Variants in RBMS3 observed in about 807,000 individuals in gnomAD.
The protein encoded by RBMS3 is RNA binding motif single stranded interacting protein 3.
RBMS3 carries 27 observed loss-of-function variants against 66.8 expected under a neutral mutation model. The ratio of observed to expected loss-of-function variants is 0.40; its 90% CI spans 0.30 to 0.56. The LOEUF is 0.56. Ranked by LOEUF, RBMS3 falls within the 20% of genes least tolerant of loss-of-function variation. The pLI, the probability that RBMS3 is intolerant of heterozygous loss-of-function variation, is 0.40. For missense variants in RBMS3, 513 were observed against 549.5 expected (o/e 0.93, Z 0.66); for synonymous variants, 188 against 183.0 (o/e 1.03, Z -0.22).
chr3:29,747,319 G>A (rs984267110), intron 5 of RBMS3, among the ~76,000 whole-genome samples: 1 of 151,972 alleles, frequency 6.6e-6, no homozygotes, highest in African/African-American at 2.4e-5. Context: ...TCTTGGGGCA[G>A]TTATATAAAC....
chr3:29,284,755 G>A (rs2032133022), intron 1 of RBMS3, among the ~76,000 whole-genome samples: 1 of 151,520 alleles, frequency 6.6e-6, no homozygotes, highest in South Asian at 2.1e-4. Context: ...CCCAGTGGCT[G>A]ACTCATATCT....
At chr3:29,921,212 G>A (rs1049124243) in intron 10 of RBMS3, among the ~76,000 whole-genome samples, 23 of 151,590 alleles carry the variant, frequency 1.5e-4, no homozygotes, top group Admixed American at 3.9e-4. Context: ...ACAGGCGCCC[G>A]CCACCACGCC....
intron 1 of RBMS3, among the ~76,000 whole-genome samples, chr3:29,328,548 A>G (rs2035472667): frequency 6.6e-6 from 1 of 152,134 alleles, no homozygotes; most frequent in African/African-American, 2.4e-5. Flanking sequence ...ACTTTGGAAT[A>G]TGTCCTCTTT....
intron 1 of RBMS3, among the ~76,000 whole-genome samples, chr3:29,354,569 G>A (rs968145820): frequency 6.6e-6 from 1 of 151,072 alleles, no homozygotes; most frequent in Admixed American, 6.6e-5. Context: ...ACGTGTGCAC[G>A]TGCGCACACA....
chr3:29,978,446 C>CA (rs879413491), intron 12 of RBMS3, among the ~76,000 whole-genome samples: 84 of 148,758 alleles, frequency 5.6e-4, no homozygotes, highest in African/African-American at 2.0e-3. Flanking sequence ...TTTTCTGTGA[C>CA]AAAAAAAAAG....
At chr3:29,428,292 A>T (rs1193200229) in intron 1 of RBMS3, among the ~76,000 whole-genome samples, 2 of 152,058 alleles carry the variant, frequency 1.3e-5, no homozygotes, top group Middle Eastern at 3.2e-3. Flanking sequence ...GGGCAGTGCA[A>T]CTAGCATCTA....
chr3:29,649,460 C>T (rs1449813759), intron 4 of RBMS3, among the ~76,000 whole-genome samples: 2 of 152,096 alleles, frequency 1.3e-5, no homozygotes, highest in African/African-American at 4.8e-5. Context: ...ACTAACAAGG[C>T]AAGCTAACTA....
At chr3:29,353,668 G>T (rs568160240) in intron 1 of RBMS3, among the ~76,000 whole-genome samples, 1 of 151,978 alleles carries the variant, frequency 6.6e-6, no homozygotes, top group South Asian at 2.1e-4. Context: ...TTGCTAATGT[G>T]GTTCTAATAC....
At chr3:29,575,286 T>G (rs367970916) in intron 3 of RBMS3, among the ~76,000 whole-genome samples, 1 of 152,152 alleles carries the variant, frequency 6.6e-6, no homozygotes, top group African/African-American at 2.4e-5. Flanking sequence ...GGTAAAAGTT[T>G]TTTTTTTTTT....
chr3:29,365,728 C>T (rs562376013), intron 1 of RBMS3, among the ~76,000 whole-genome samples: 52 of 152,226 alleles, frequency 3.4e-4, no homozygotes, highest in African/African-American at 1.2e-3. Context: ...TCACTTCTGC[C>T]GTTAGGTACA....
At chr3:29,901,232 A>T (rs2149610306) in intron 10 of RBMS3, among the ~76,000 whole-genome samples, 1 of 151,934 alleles carries the variant, frequency 6.6e-6, no homozygotes, top group African/African-American at 2.4e-5. Flanking sequence ...CCAAAGCAAT[A>T]CATAGCATAG....
At chr3:29,765,050 A>G (rs894069021) in intron 6 of RBMS3, among the ~76,000 whole-genome samples, 4 of 152,054 alleles carry the variant, frequency 2.6e-5, no homozygotes, top group African/African-American at 9.7e-5. Flanking sequence ...TTATTTATAA[A>G]TTACTTTGAA....
At chr3:29,435,379 T>A (rs1486555214) in intron 2 of RBMS3, among the ~76,000 whole-genome samples, 1 of 152,192 alleles carries the variant, frequency 6.6e-6, no homozygotes, top group Non-Finnish European at 1.5e-5. Context: ...CAGGACCATG[T>A]ATTTGGAGAA....
chr3:29,583,870 G>C (rs1208840379), intron 3 of RBMS3, among the ~76,000 whole-genome samples: 1 of 151,844 alleles, frequency 6.6e-6, no homozygotes, highest in African/African-American at 2.4e-5. Flanking sequence ...TCCTACCCTA[G>C]CTTCACACTG....
chr3:29,905,294 T>C (rs1394558418), intron 10 of RBMS3, among the ~76,000 whole-genome samples: 2 of 152,094 alleles, frequency 1.3e-5, no homozygotes, highest in African/African-American at 4.8e-5. Flanking sequence ...CTGTATTCCA[T>C]GCAAAATACC....
At chr3:29,554,686 C>A (rs184119715) in intron 3 of RBMS3, among the ~76,000 whole-genome samples, 2 of 152,012 alleles carry the variant, frequency 1.3e-5, no homozygotes, top group Admixed American at 6.5e-5. Flanking sequence ...ATGATCAGGG[C>A]ATTTTGAGCT....
chr3:29,897,494 C>A lies in RBMS3; in HGVS notation c.888+19C>A, dbSNP rs2149603360. ...ATACCAGGTATGTCCAATTTACCTGCACCTTAGGAGATATCTTTCTTGCAG... is the reference window on the plus strand; with the variant it reads ...ATACCAGGTATGTCCAATTTACCTGAACCTTAGGAGATATCTTTCTTGCAG... On this transcript the variant is annotated intron_variant, in intron 9 of 14. Coordinates refer to ENST00000383767, the MANE Select transcript of RBMS3 (RefSeq NM_001003793.3). 1.3e-6 allele frequency: 2 copies of A among 1,585,588 alleles called. No homozygotes were observed. The highest frequency in any genetic ancestry group is 1.7e-6 in the Non-Finnish European group (2 of 1,154,930).
At chr3:29,703,017 A>G (rs769171743) in intron 4 of RBMS3, among the ~76,000 whole-genome samples, 32 of 152,242 alleles carry the variant, frequency 2.1e-4, no homozygotes, top group Non-Finnish European at 3.5e-4. Flanking sequence ...ACTAGATGAT[A>G]TTATTAGATG....
intron 6 of RBMS3, among the ~76,000 whole-genome samples, chr3:29,865,988 C>T (rs4680733): frequency 0.1 from 15,629 of 149,032 alleles, 1,175 homozygotes; most frequent in East Asian, 0.37. Context: ...ATATTAGTTG[C>T]CTCATAGAGT....
Sources: allele counts gnomAD v4.1 joint callset (sites outside exome capture counted in the v4.1 genomes callset), GRCh38; gene constraint gnomAD v4.1.1; transcripts MANE v1.5; gene names NCBI Gene and HGNC (gene_info 2026-07-23, HGNC 2026-07-21).